The following PDZRN4 variants were observed in gnomAD, a reference collection of about 807,000 sequenced individuals.
PDZRN4 encodes the protein PDZ domain-containing RING finger protein 4.
In PDZRN4, 70 loss-of-function variants were observed where a neutral mutation model predicts 99.0. That is an observed-to-expected ratio of 0.71 (90% CI 0.58 to 0.86). The LOEUF is 0.86. Among genes scored for constraint, PDZRN4 ranks in the 40% least tolerant of loss-of-function variants. The pLI is 0.00. For synonymous variants in PDZRN4, 551 were observed against 501.6 expected, an observed-to-expected ratio of 1.10 and a Z score of -1.32; for missense variants, 1,474 against 1,331.2, an observed-to-expected ratio of 1.11 and a Z score of -1.67.
At chr12:41,506,844 G>A (rs540943974) in intron 4 of PDZRN4, 132 bp downstream of exon 4, 11 of 970,276 alleles carry the variant, frequency 1.1e-5, no homozygotes, top group Non-Finnish European at 1.7e-5. Flanking sequence ...TTTGGAAAAT[G>A]TCTCCCCTGT....
intron 2 of PDZRN4, 84 bp downstream of exon 2, chr12:41,191,628 G>T (rs973818588): frequency 1.1e-5 from 7 of 641,090 alleles, no homozygotes; most frequent in African/African-American, 7.5e-5. Flanking sequence ...AATAATAGAG[G>T]ACTTAGCTTT....
intron 3 of PDZRN4, among the ~76,000 whole-genome samples, chr12:41,361,310 T>C (rs1033572597): frequency 3.3e-5 from 5 of 152,090 alleles, no homozygotes; most frequent in Non-Finnish European, 7.4e-5. Context: ...TAATGAAATA[T>C]ATTTGGAAGG....
chr12:41,438,742 T>C (rs1373244992), intron 3 of PDZRN4, among the ~76,000 whole-genome samples: 1 of 152,210 alleles, frequency 6.6e-6, no homozygotes, highest in Non-Finnish European at 1.5e-5. Context: ...ATAAGAAAAC[T>C]AGATCCTGAG....
chr12:41,388,328 T>G (rs1327506538), intron 3 of PDZRN4, among the ~76,000 whole-genome samples: 1 of 151,724 alleles, frequency 6.6e-6, no homozygotes, highest in Non-Finnish European at 1.5e-5. Flanking sequence ...GATAAAATAA[T>G]CTTACAAGTT....
intron 3 of PDZRN4, among the ~76,000 whole-genome samples, chr12:41,310,250 TTTTG>T (rs1168256555): frequency 1.1e-5 from 1 of 90,056 alleles, no homozygotes; most frequent in Non-Finnish European, 2.7e-5. Context: ...GAACTTTCAT[TTTTG>T]TTTGTGTGTG....
chr12:41,296,599 A>G (rs1414412263), intron 3 of PDZRN4, among the ~76,000 whole-genome samples: 1 of 152,132 alleles, frequency 6.6e-6, no homozygotes, highest in African/African-American at 2.4e-5. Flanking sequence ...TTTGATAGGA[A>G]ATCATTAGGC....
chr12:41,525,154 G>A (rs1156388373), intron 5 of PDZRN4, among the ~76,000 whole-genome samples: 1 of 152,114 alleles, frequency 6.6e-6, no homozygotes, highest in Non-Finnish European at 1.5e-5. Context: ...TGCTGAGTGG[G>A]CCGCTATTGC....
intron 3 of PDZRN4, among the ~76,000 whole-genome samples, chr12:41,424,449 C>T (rs1023246197): frequency 6.6e-6 from 1 of 152,104 alleles, no homozygotes; most frequent in Non-Finnish European, 1.5e-5. Flanking sequence ...TTTATACTGA[C>T]ATTACTGAAT....
At chr12:41,519,623 A>T (rs1938459391) in intron 5 of PDZRN4, among the ~76,000 whole-genome samples, 1 of 151,742 alleles carries the variant, frequency 6.6e-6, no homozygotes, top group Non-Finnish European at 1.5e-5. Flanking sequence ...TGCTTCTACC[A>T]ATGCTCTTCA....
At chr12:41,419,138 C>T (rs1371650900) in intron 3 of PDZRN4, among the ~76,000 whole-genome samples, 1 of 152,138 alleles carries the variant, frequency 6.6e-6, no homozygotes, top group East Asian at 1.9e-4. Flanking sequence ...TTTCTTTTCT[C>T]CTGGGCTTCT....
chr12:41,457,097 T>A (rs1267322663), intron 3 of PDZRN4, among the ~76,000 whole-genome samples: 1 of 152,156 alleles, frequency 6.6e-6, no homozygotes, highest in Non-Finnish European at 1.5e-5. Flanking sequence ...CCTTACTAGA[T>A]CTCTGACTAA....
chr12:41,491,363 A>G (rs1406685014), intron 3 of PDZRN4, among the ~76,000 whole-genome samples: 2 of 152,112 alleles, frequency 1.3e-5, no homozygotes, highest in Non-Finnish European at 2.9e-5. Flanking sequence ...TCTAATAAAA[A>G]TACAAAAAAT....
intron 3 of PDZRN4, among the ~76,000 whole-genome samples, chr12:41,225,182 G>A (rs1279431875): frequency 2.6e-5 from 4 of 151,978 alleles, no homozygotes; most frequent in African/African-American, 9.7e-5. Context: ...TTGGACTTAC[G>A]TTATCCTGTT....
intron 7 of PDZRN4, among the ~76,000 whole-genome samples, chr12:41,559,254 G>C (rs574753500): frequency 2.0e-5 from 3 of 152,234 alleles, no homozygotes; most frequent in African/African-American, 7.2e-5. Context: ...TTGTGCAGAA[G>C]AGAAACCAGG....
At chr12:41,313,013 G>C (rs138455181) in intron 3 of PDZRN4, among the ~76,000 whole-genome samples, 6 of 152,070 alleles carry the variant, frequency 3.9e-5, no homozygotes, top group Admixed American at 6.6e-5. Context: ...CATAAACTCA[G>C]GACACTTATT....
intron 3 of PDZRN4, among the ~76,000 whole-genome samples, chr12:41,340,117 T>C (rs971505644): frequency 1.3e-5 from 2 of 152,066 alleles, no homozygotes; most frequent in African/African-American, 4.8e-5. Context: ...CAAAGTAATA[T>C]CTGCACTCCT....
rs369360903 is a variant in PDZRN4 at position 41,266,187 on chromosome 12, T to A, written c.843+71999T>A. Among the ~76,000 whole-genome samples the A allele has an allele frequency of 3.8e-5, 2 of 53,090 alleles. 1 individual carries two copies. Among genetic ancestry groups the A allele is most frequent in the Non-Finnish European group, 7.9e-5 (2 of 25,446 alleles). 34.8% of individuals were successfully genotyped at this position (53,090 alleles called of 152,430 possible). ...TTAGCCGGGCGTAGTGGCGGGCGCCTGTAGTCCCAGCTACTCGGGAGGCTG... is the reference window on the plus strand; with the variant it reads ...TTAGCCGGGCGTAGTGGCGGGCGCCAGTAGTCCCAGCTACTCGGGAGGCTG... On this transcript the variant is annotated intron_variant, in intron 3 of 9. Transcript: ENST00000402685.
intron 3 of PDZRN4, among the ~76,000 whole-genome samples, chr12:41,452,481 G>C (rs1168000887): frequency 2.0e-5 from 3 of 151,032 alleles, no homozygotes; most frequent in African/African-American, 7.3e-5. Flanking sequence ...AGTAGTCAGA[G>C]GTGGGAACCA....
At chr12:41,326,543 G>A (rs904713929) in intron 3 of PDZRN4, among the ~76,000 whole-genome samples, 5 of 152,084 alleles carry the variant, frequency 3.3e-5, no homozygotes, top group Non-Finnish European at 5.9e-5. Context: ...GAGCAGAAAA[G>A]GATTAAAAAG....
Sources: allele counts gnomAD v4.1 joint callset (sites outside exome capture counted in the v4.1 genomes callset), GRCh38; gene constraint gnomAD v4.1.1; transcripts MANE v1.5; gene names NCBI Gene and HGNC (gene_info 2026-07-23, HGNC 2026-07-21).